KCNAB2: variants seen among roughly 807,000 people sequenced by gnomAD.
KCNAB2 encodes the protein potassium voltage-gated channel subfamily A regulatory beta subunit 2.
A neutral mutation model predicts 63.6 loss-of-function variants in KCNAB2; 29 were observed. The observed-to-expected ratio is 0.46, with a 90% confidence interval of 0.34 to 0.62. The LOEUF (loss-of-function observed/expected upper bound fraction) is 0.62. Among genes scored for constraint, KCNAB2 ranks in the 20% least tolerant of loss-of-function variants. KCNAB2 has a pLI of 0.01. For missense variants in KCNAB2, 359 were observed against 563.9 expected (o/e 0.64, Z 3.68); for synonymous variants, 222 against 224.2 (o/e 0.99, Z 0.09).
chr1:6,041,744 C>T (rs1660516973), upstream of KCNAB2: 2 of 1,197,556 alleles, frequency 1.7e-6, no homozygotes, highest in African/African-American at 1.5e-5. Context: ...TCTTTCTGAC[C>T]TGCACCTGCT....
intron 9 of KCNAB2, 43 bp downstream of exon 9, chr1:6,090,518 G>C: frequency 6.8e-7 from 1 of 1,465,058 alleles, no homozygotes; most frequent in Non-Finnish European, 9.5e-7. Context: ...CCTGGGCGGG[G>C]TCTGAAGGGT....
At chr1:6,039,538 C>G (rs1660326340) in intron 1 of KCNAB2, among the ~76,000 whole-genome samples, 2 of 152,196 alleles carry the variant, frequency 1.3e-5, no homozygotes, top group African/African-American at 4.8e-5. Flanking sequence ...GCTGCTGTAA[C>G]AGCTCATCAC....
intron 7 of KCNAB2, among the ~76,000 whole-genome samples, chr1:6,088,034 ATTCT>A (rs1209031525): frequency 6.6e-6 from 1 of 151,992 alleles, no homozygotes; most frequent in African/African-American, 2.4e-5. Flanking sequence ...TCATTCATTC[ATTCT>A]TTTTTTTATT....
intron 2 of KCNAB2, among the ~76,000 whole-genome samples, chr1:6,070,248 T>C (rs1394936194): frequency 6.6e-6 from 1 of 152,210 alleles, no homozygotes; most frequent in Non-Finnish European, 1.5e-5. Flanking sequence ...TATCTGTTTT[T>C]GCAAAGGGGT....
intron 1 of KCNAB2, among the ~76,000 whole-genome samples, chr1:6,017,567 G>A (rs1658582933): frequency 6.6e-6 from 1 of 152,092 alleles, no homozygotes; most frequent in Non-Finnish European, 1.5e-5. Context: ...GCCGAGGCAG[G>A]CAGATCACTT....
chr1:6,054,493 G>C (rs1421122733), intron 2 of KCNAB2, among the ~76,000 whole-genome samples: 1 of 152,190 alleles, frequency 6.6e-6, no homozygotes, highest in East Asian at 1.9e-4. Context: ...AACCAGTCGT[G>C]GTGGCGGGCA....
chr1:6,039,193 G>A (rs146649508), intron 1 of KCNAB2, among the ~76,000 whole-genome samples: 21 of 152,332 alleles, frequency 1.4e-4, no homozygotes, highest in South Asian at 4.1e-4. Flanking sequence ...AGCCGCAAGC[G>A]CAAGCATCCG....
chr1:6,083,522 C>T (rs1004399507), intron 5 of KCNAB2, among the ~76,000 whole-genome samples: 14 of 152,218 alleles, frequency 9.2e-5, no homozygotes, highest in African/African-American at 3.1e-4. Flanking sequence ...TCTCGGAAGC[C>T]GCTTGCCAGA....
chr1:6,093,593 G>A (rs1665371653), intron 10 of KCNAB2, among the ~76,000 whole-genome samples: 1 of 152,296 alleles, frequency 6.6e-6, no homozygotes, highest in African/African-American at 2.4e-5. Context: ...CGCCGTCCAC[G>A]ATTCAGGTTG....
Position 6,100,141 on chromosome 1 carries a change from GCCTGCTGTCCAGT to G in KCNAB2, c.*1572_*1584del. The G allele has an allele frequency of 1.4e-6, 2 of 1,413,610 alleles. No individual in the cohort carries two copies. Among genetic ancestry groups the G allele is most frequent in the Non-Finnish European group, 1.9e-6 (2 of 1,077,452 alleles). 87.6% of individuals were successfully genotyped at this position (1,413,610 alleles called of 1,614,324 possible). A position where few individuals can be genotyped will look rare whatever the true frequency, so the allele number is the denominator to read the frequency against. ...GGCTCCACCCTGCCGTCCTGCGGGA[GCCTGCTGTCCAGT>G]CCTGGCCGGGCCAAGGCCTGGGAAA... On this transcript the variant is annotated 3_prime_UTR_variant, in exon 16 of 16. Coordinates refer to ENST00000378083, the MANE Select transcript of KCNAB2 (RefSeq NM_001199862.2).
intron 2 of KCNAB2, among the ~76,000 whole-genome samples, chr1:6,066,417 G>A (rs961765583): frequency 2.0e-5 from 3 of 152,242 alleles, no homozygotes; most frequent in Non-Finnish European, 4.4e-5. Flanking sequence ...GGCCGGGAGG[G>A]GCTGTGCTTA....
At position 6,096,711 on chromosome 1, in the gene KCNAB2, G is replaced by A; in HGVS notation, c.1024G>A (p.Ala342Thr). 1 of 1,599,986 alleles carries A rather than the reference G, an allele frequency of 6.3e-7. No homozygotes were observed. The change falls in exon 14 of 16, where the codon GCC becomes ACC. Residue 342 changes from alanine to threonine, a missense_variant. Ala to Thr is a moderately conservative substitution (Grantham distance 58, BLOSUM62 0). Transcript: ENST00000378083. This position sits in a 1 kb window ranked among gnomAD's most constrained non-coding sequence, Gnocchi z 5.9. ...RQQAKLKELQ[A>T]IAERLGCTLP... The stretch of plus-strand genomic sequence containing the variant: ...GCAAGCCAAGCTGAAGGAGCTGCAG[G>A]CCATCGCCGAGCGCCTGGGCTGCAC...
intron 1 of KCNAB2, among the ~76,000 whole-genome samples, chr1:6,009,194 T>C (rs914226326): frequency 4.6e-5 from 7 of 152,206 alleles, no homozygotes; most frequent in Admixed American, 1.3e-4. Flanking sequence ...CCGCCCTCTG[T>C]AGGGGTGCTG....
upstream of KCNAB2, among the ~76,000 whole-genome samples, chr1:6,044,856 C>T (rs892893264): frequency 3.3e-5 from 5 of 152,134 alleles, no homozygotes; most frequent in African/African-American, 1.2e-4. Flanking sequence ...GAAGCCACGT[C>T]CACAGGGCTT....
intron 1 of KCNAB2, among the ~76,000 whole-genome samples, chr1:6,036,552 A>G (rs2100426697): frequency 6.6e-6 from 1 of 152,278 alleles, no homozygotes; most frequent in East Asian, 1.9e-4. Context: ...GAGATGAGAG[A>G]AATAATAACT....
In KCNAB2 at chr1:6,078,202, GTCC is replaced by G. The variant is rs1032642146; in HGVS notation, c.301-3987_301-3985del. Among the ~76,000 whole-genome samples the G allele has an allele frequency of 6.6e-6, 1 of 152,124 alleles. No homozygotes were observed. Among genetic ancestry groups the G allele is most frequent in the Non-Finnish European group, 1.5e-5 (1 of 68,024 alleles). On this transcript the variant is annotated intron_variant, in intron 4 of 15. Transcript: ENST00000378083. This position sits in a 1 kb window ranked among gnomAD's most constrained non-coding sequence, Gnocchi z 4.2. Reference sequence around the variant, plus strand: ...GTCTCTGCCCCTGTGGATACTCTCCGTCCTCCTCTTCTGTCAGTCAAGTCTCCG... The same window carrying G: ...GTCTCTGCCCCTGTGGATACTCTCCGTCCTCTTCTGTCAGTCAAGTCTCCG...
upstream of KCNAB2, among the ~76,000 whole-genome samples, chr1:6,042,843 A>ACC (rs1157271557): frequency 0.037 from 1,062 of 28,952 alleles, 62 homozygotes; most frequent in South Asian, 0.13. Context: ...CCCACTCCCC[A>ACC]CCCCCCCCCC....
upstream of KCNAB2, among the ~76,000 whole-genome samples, chr1:6,033,371 A>G (rs895497887): frequency 8.3e-5 from 12 of 144,206 alleles, no homozygotes; most frequent in South Asian, 4.4e-4. Flanking sequence ...GTGTGTGCAT[A>G]TGTGTGCGTG....
At chr1:6,072,639 C>A in intron 2 of KCNAB2, 116 bp from the exon 3 acceptor site, 2 of 1,185,404 alleles carry the variant, frequency 1.7e-6, no homozygotes, top group South Asian at 2.6e-5. Context: ...TTCGGAGCCT[C>A]CAAACACACA....
Sources: allele counts gnomAD v4.1 joint callset (sites outside exome capture counted in the v4.1 genomes callset), GRCh38; gene constraint gnomAD v4.1.1; non-coding constraint Gnocchi (gnomAD v3.1); transcripts MANE v1.5; gene names NCBI Gene and HGNC (gene_info 2026-07-23, HGNC 2026-07-21).